Variants in CHSY1 observed in about 807,000 individuals in gnomAD.
CHSY1 encodes chondroitin sulfate synthase 1.
A neutral mutation model predicts 59.8 loss-of-function variants in CHSY1; 13 were observed. That is an observed-to-expected ratio of 0.22 (90% CI 0.14 to 0.35). CHSY1 has a LOEUF of 0.35. CHSY1 is among the 10% of genes least tolerant of loss of function. CHSY1 has a pLI of 1.00. For missense variants in CHSY1, 947 were observed against 1,030.6 expected (o/e 0.92, Z 1.11); for synonymous variants, 459 against 401.2 (o/e 1.14, Z -1.72).
At chr15:101,204,200 G>A (rs2038601373) in intron 2 of CHSY1, among the ~76,000 whole-genome samples, 1 of 152,012 alleles carries the variant, frequency 6.6e-6, no homozygotes, top group South Asian at 2.1e-4. Flanking sequence ...TTAGGAGGCC[G>A]AGGTGGGTGG....
rs3743192 is a variant in CHSY1, at chr15:101,235,364, T to C, written c.534A>G (p.Gly178=). The stretch of plus-strand genomic sequence containing the variant: ...TCCTCAGGAAGTTCTCCAGACGGTC[T>C]CCTTTGATGTACACGTCATCATCTG... ...MRADDDVYIK[G]DRLENFLRSL... The change falls in exon 2 of 3, where the codon GGA becomes GGG. Residue 178 remains glycine (G), a synonymous_variant. Transcript: ENST00000254190. The C allele has an allele frequency of 1.5e-3, 2,455 of 1,614,194 alleles. 63 individuals carry two copies. In the East Asian group the frequency reaches 0.044, roughly 29 times the overall value.
chr15:101,207,287 G>T lies in CHSY1; in HGVS notation c.816+27795C>A, dbSNP rs139055090. 4.2e-3 allele frequency among the ~76,000 whole-genome samples: 641 copies of T among 152,314 alleles called. 9 individuals are homozygous for T. Among genetic ancestry groups the T allele is most frequent in the African/African-American group, 0.015 (619 of 41,574 alleles). On this transcript the variant is annotated intron_variant, in intron 2 of 2. Coordinates refer to ENST00000254190, the MANE Select transcript of CHSY1 (RefSeq NM_014918.5). ...AAAAAGTCTTTGGCTGAAAGCAAAG[G>T]AAAGAGTTACGTCCACATAACCCTT...
chr15:101,194,764 CCTGA>C (rs2038487000), intron 2 of CHSY1, among the ~76,000 whole-genome samples: 1 of 152,094 alleles, frequency 6.6e-6, no homozygotes, highest in African/African-American at 2.4e-5. Context: ...AATCACAAAC[CCTGA>C]CTTTTTGTAT....
intron 2 of CHSY1, among the ~76,000 whole-genome samples, chr15:101,209,021 G>T (rs572306492): frequency 6.6e-6 from 1 of 152,244 alleles, no homozygotes; most frequent in African/African-American, 2.4e-5. Context: ...ACTATTGGGG[G>T]TGGGAGTTTG....
At chr15:101,198,411 C>T (rs940502272) in intron 2 of CHSY1, among the ~76,000 whole-genome samples, 4 of 152,122 alleles carry the variant, frequency 2.6e-5, no homozygotes, top group South Asian at 2.1e-4. Context: ...GTGTCTGTGA[C>T]GGTGGTTTGG....
chr15:101,235,518 G>C lies in CHSY1; in HGVS notation c.380C>G (p.Thr127Arg). ...TGGCACTACTGGAATTGGTACAGATGTGTCAGAACCCTCACTTGAGAAGAA... is the reference window on the plus strand; with the variant it reads ...TGGCACTACTGGAATTGGTACAGATCTGTCAGAACCCTCACTTGAGAAGAA... ...VQFFSSEGSD[T>R]SVPIPVVPLR... is the part of the protein sequence containing the mutation. Residue 127 changes from threonine to arginine, a missense_variant, in exon 2 of 3, where the codon ACA becomes AGA. By Grantham distance (71) the Thr-to-Arg change is moderately conservative. This residue lies in a region of CHSY1 where 232 missense variants were observed against 188.5 expected (regional missense o/e 1.23). Coordinates refer to ENST00000254190, the MANE Select transcript of CHSY1 (RefSeq NM_014918.5). 6.2e-7 allele frequency: 1 copy of C among 1,613,828 alleles called. No homozygotes were observed. Among genetic ancestry groups the C allele is most frequent in the Non-Finnish European group, 8.5e-7 (1 of 1,179,952 alleles).
At chr15:101,209,752 CAACA>C (rs2038665353) in intron 2 of CHSY1, among the ~76,000 whole-genome samples, 1 of 152,072 alleles carries the variant, frequency 6.6e-6, no homozygotes, top group African/African-American at 2.4e-5. Context: ...GAAACTGTTC[CAACA>C]GACAGGTATT....
At chr15:101,183,061 A>T (rs1028151921) in intron 2 of CHSY1, among the ~76,000 whole-genome samples, 1 of 152,196 alleles carries the variant, frequency 6.6e-6, no homozygotes, top group Non-Finnish European at 1.5e-5. Flanking sequence ...AGAGGAAAAA[A>T]CCCTTGAAAC....
chr15:101,189,004 CCAT>C (rs2038408272), intron 2 of CHSY1, among the ~76,000 whole-genome samples: 1 of 152,184 alleles, frequency 6.6e-6, no homozygotes, highest in Non-Finnish European at 1.5e-5. Flanking sequence ...ACATGCAGAA[CCAT>C]CTTTAAACAG....
intron 2 of CHSY1, 40 bp from the exon 3 acceptor site, chr15:101,179,020 T>C: frequency 6.3e-7 from 1 of 1,584,162 alleles, no homozygotes; most frequent in Non-Finnish European, 8.7e-7. Flanking sequence ...TTTAGTATTG[T>C]ATGATTGAGT....
At chr15:101,229,944 C>A (rs2038876822) in intron 2 of CHSY1, among the ~76,000 whole-genome samples, 1 of 151,148 alleles carries the variant, frequency 6.6e-6, no homozygotes, top group African/African-American at 2.4e-5. Context: ...TTCAATATCC[C>A]ACTTTTTTTT....
Position 101,235,494 on chromosome 15 carries a change from G to T in CHSY1, c.404C>A (p.Pro135Gln), listed in dbSNP as rs181832555. The change falls in exon 2 of 3, where the codon CCA becomes CAA. Residue 135 changes from proline (P) to glutamine (Q), a missense_variant. Pro to Gln is a moderately conservative substitution (Grantham distance 76, BLOSUM62 -1). Around this residue, in one of 4 missense-constraint regions of CHSY1, gnomAD observed 232 missense variants for 188.5 expected, o/e 1.23. Coordinates refer to ENST00000254190, the MANE Select transcript of CHSY1 (RefSeq NM_014918.5). Reference protein sequence around the residue: ...SDTSVPIPVVPLRGVDDSYPP... With the variant: ...SDTSVPIPVVQLRGVDDSYPP... ...GTAGGAGTCGTCCACACCCCGTAGT[G>T]GCACTACTGGAATTGGTACAGATGT... is the stretch of plus-strand genomic sequence containing the variant. The T allele has an allele frequency of 2.7e-5, 44 of 1,614,094 alleles. No individual in the cohort carries two copies. In the Admixed American group the frequency reaches 5.5e-4, roughly 20 times the overall value.
chr15:101,199,007 C>T (rs1036443477), intron 2 of CHSY1, among the ~76,000 whole-genome samples: 9 of 152,172 alleles, frequency 5.9e-5, no homozygotes, highest in African/African-American at 1.9e-4. Context: ...CCTAAAGAAA[C>T]TCATTCCTAA....
At chr15:101,180,524 C>A (rs1394693610) in intron 2 of CHSY1, among the ~76,000 whole-genome samples, 2 of 152,060 alleles carry the variant, frequency 1.3e-5, no homozygotes, top group African/African-American at 4.8e-5. Flanking sequence ...AGGAGAAACT[C>A]CGACTCTGAC....
intron 2 of CHSY1, among the ~76,000 whole-genome samples, chr15:101,202,537 AGGGG>A (rs777647370): frequency 9.8e-6 from 1 of 101,780 alleles, no homozygotes; most frequent in Non-Finnish European, 1.9e-5. Context: ...GCATTTCTGC[AGGGG>A]GGGCAGTGGG....
chr15:101,221,472 GTCTC>G (rs960106098), intron 2 of CHSY1, among the ~76,000 whole-genome samples: 9 of 152,002 alleles, frequency 5.9e-5, no homozygotes, highest in African/African-American at 2.2e-4. Context: ...GGTTGAGAGT[GTCTC>G]TCTCTCTCCC....
chr15:101,226,002 TTCA>T (rs1322274491), intron 2 of CHSY1, among the ~76,000 whole-genome samples: 3 of 152,252 alleles, frequency 2.0e-5, no homozygotes, highest in African/African-American at 7.2e-5. Flanking sequence ...TTCAGAGATG[TTCA>T]TGTACCTGGA....
In CHSY1 at chr15:101,248,302, GC is replaced by G. The variant is rs2039070966; in HGVS notation, c.320+2834del. ...CCCTATAACCTCCATCCCAATTGAG[GC>G]CCTCCCCAAAAGTTCCTTAACTTTT... On this transcript the variant is annotated intron_variant, in intron 1 of 2. Coordinates refer to ENST00000254190, the MANE Select transcript of CHSY1 (RefSeq NM_014918.5). 2.6e-5 allele frequency among the ~76,000 whole-genome samples: 4 copies of G among 152,196 alleles called. No homozygotes were observed. The South Asian group carries it at 8.3e-4, about 32-fold the overall frequency.
intron 1 of CHSY1, among the ~76,000 whole-genome samples, chr15:101,241,599 G>A (rs530820679): frequency 3.3e-5 from 5 of 152,274 alleles, no homozygotes; most frequent in African/African-American, 7.2e-5. Flanking sequence ...AGATTGAGTC[G>A]TTTCAATTGT....
Sources: gnomAD v4.1 joint callset for allele counts (sites outside exome capture counted in the v4.1 genomes callset) on GRCh38, gnomAD v4.1.1 for gene constraint, gnomAD v4.1.1 regional missense constraint, MANE v1.5 for transcripts, NCBI Gene and HGNC (gene_info 2026-07-23, HGNC 2026-07-21) for gene names.